Variants in CNTROB observed in about 807,000 individuals in gnomAD.
The protein encoded by CNTROB is centrobin, centriole duplication and spindle assembly protein, also known as centrobin.
CNTROB carries 82 observed loss-of-function variants against 115.7 expected under a neutral mutation model. The observed-to-expected ratio is 0.71, with a 90% CI of 0.59 to 0.85. CNTROB has a LOEUF of 0.85. Ranked by LOEUF, CNTROB falls within the 40% of genes least tolerant of loss-of-function variation. CNTROB has a pLI of 0.00. For missense variants in CNTROB, 1,014 were observed against 1,144.4 expected (o/e 0.89, Z 1.64); for synonymous variants, 439 against 456.4 (o/e 0.96, Z 0.49).
Position 7,944,222 on chromosome 17 carries a change from G to A in CNTROB, c.1545G>A (p.Gln515=). Residue 515 remains glutamine (Q), a synonymous_variant, in exon 11 of 19, where the codon CAG becomes CAA. Coordinates refer to ENST00000563694, the MANE Select transcript of CNTROB (RefSeq NM_053051.5). This position sits in a 1 kb window ranked among gnomAD's most constrained non-coding sequence, Gnocchi z 4.0. ...VEMAEREERQ[Q]QVAEDYELRL... Reference sequence around the variant, plus strand: ...TGGCAGAACGAGAGGAACGGCAACAGCAGGTGGCTGAGGACTACGAGCTCA... The same window carrying A: ...TGGCAGAACGAGAGGAACGGCAACAACAGGTGGCTGAGGACTACGAGCTCA... 6.2e-7 allele frequency: 1 copy of A among 1,613,942 alleles called. No homozygotes were observed. Among genetic ancestry groups the A allele is most frequent in the East Asian group, 2.2e-5 (1 of 44,882 alleles).
chr17:7,943,524 G>A lies in CNTROB; in HGVS notation c.1445G>A (p.Arg482Lys), dbSNP rs752822668. 1.2e-6 allele frequency: 2 copies of A among 1,610,542 alleles called. No individual in the cohort carries two copies. Among genetic ancestry groups the A allele is most frequent in the South Asian group, 1.1e-5 (1 of 90,858 alleles). The stretch of plus-strand genomic sequence containing the variant: ...GCAGCCTCCCTCAGGGAACATCACA[G>A]GTACGTGGGACTCACTGGGTGTCAC... ...RQAASLREHH[R>K]KQLQDLSGQH... Residue 482 changes from arginine to lysine, a missense_variant and splice_region_variant, in exon 10 of 19, where the codon AGG becomes AAG. Transcript: ENST00000563694. The surrounding 1 kb of genome is among the most constrained non-coding windows in gnomAD (Gnocchi z 4.7).
At chr17:7,936,111 C>T (rs537171562) in intron 4 of CNTROB, 254 of 449,580 alleles carry the variant, frequency 5.6e-4, no homozygotes, top group South Asian at 1.4e-3. Flanking sequence ...GATTTTTACT[C>T]AGGAGATCCA....
At position 7,939,930 on chromosome 17, in the gene CNTROB, A is replaced by G. The variant is rs1456215887; in HGVS notation, c.1165-166A>G. On this transcript the variant is annotated intron_variant, in intron 8 of 18. Coordinates refer to ENST00000563694, the MANE Select transcript of CNTROB (RefSeq NM_053051.5). This position sits in a 1 kb window ranked among gnomAD's most constrained non-coding sequence, Gnocchi z 4.4. The stretch of plus-strand genomic sequence containing the variant: ...GCAGGAAGGGCTGGGGGTAATGAAT[A>G]CGTGAAAGGCCAAAGACTGAAATTC... Among the ~76,000 whole-genome samples the G allele has an allele frequency of 1.3e-5, 2 of 152,134 alleles. No homozygotes were observed. The highest frequency in any genetic ancestry group is 2.9e-5 in the Non-Finnish European group (2 of 68,016).
Position 7,932,960 on chromosome 17 carries a change from C to T in CNTROB, c.-120C>T, listed in dbSNP as rs774771855. Reference sequence around the variant, plus strand: ...CGATATCCTTAATTCACCAAGGATCCTTGGCGTGGAGTCTTCCTCCCTTCT... The same window carrying T: ...CGATATCCTTAATTCACCAAGGATCTTTGGCGTGGAGTCTTCCTCCCTTCT... On this transcript the variant is annotated 5_prime_UTR_variant, in exon 1 of 19. Coordinates refer to ENST00000563694, the MANE Select transcript of CNTROB (RefSeq NM_053051.5). The T allele has an allele frequency of 1.8e-6, 2 of 1,109,272 alleles. No individual in the cohort carries two copies. Among genetic ancestry groups the T allele is most frequent in the East Asian group, 4.7e-5 (2 of 42,364 alleles). 68.7% of individuals were successfully genotyped at this position (1,109,272 alleles called of 1,614,324 possible).
rs559241720 is a variant in CNTROB at position 7,943,490 on chromosome 17, C to T, written c.1411C>T (p.Leu471=). ...GCTGGCGCAGGCTCAGGAGAGCAGCCTACGGCAAGCAGCCTCCCTCAGGGA... is the reference window on the plus strand; with the variant it reads ...GCTGGCGCAGGCTCAGGAGAGCAGCTTACGGCAAGCAGCCTCCCTCAGGGA... ...ERLAQAQESS[L]RQAASLREHH... The change falls in exon 10 of 19, where the codon CTA becomes TTA. Residue 471 remains leucine (L), a synonymous_variant. Coordinates refer to ENST00000563694, the MANE Select transcript of CNTROB (RefSeq NM_053051.5). The surrounding 1 kb of genome is among the most constrained non-coding windows in gnomAD (Gnocchi z 4.7). The T allele has an allele frequency of 4.3e-5, 69 of 1,613,518 alleles. No homozygotes were observed. Among genetic ancestry groups the T allele is most frequent in the Non-Finnish European group, 5.9e-6 (7 of 1,179,626 alleles).
chr17:7,933,125 G>T lies in CNTROB; in HGVS notation c.46G>T (p.Asp16Tyr). 1 of 1,614,118 alleles carries T rather than the reference G, an allele frequency of 6.2e-7. No homozygotes were observed. The change falls in exon 1 of 19, where the codon GAT (aspartate) becomes TAT (tyrosine). Residue 16 changes from aspartate (D) to tyrosine (Y), a missense_variant. Coordinates refer to ENST00000563694, the MANE Select transcript of CNTROB (RefSeq NM_053051.5). ...CCCCAGTTCACCCCTCGGGGCGGAGGATCTCCTGAGTGATTCATCAGAACC... is the reference window on the plus strand; with the variant it reads ...CCCCAGTTCACCCCTCGGGGCGGAGTATCTCCTGAGTGATTCATCAGAACC... Reference protein sequence around the residue: ...DSPSSPLGAEDLLSDSSEPPG... With the variant: ...DSPSSPLGAEYLLSDSSEPPG...
chr17:7,936,302 A>C, intron 4 of CNTROB, 64 bp from the exon 5 acceptor site: 2 of 790,700 alleles, frequency 2.5e-6, no homozygotes, highest in South Asian at 1.3e-5. Flanking sequence ...GAGGAGCTGG[A>C]AAGTTTGGTG....
At chr17:7,932,122 C>CG (rs138736268), upstream of CNTROB, 1,305 of 490,504 alleles carry the variant, frequency 2.7e-3, 18 homozygotes, top group East Asian at 0.032. Context: ...GCCAGGCGCT[C>CG]GGGATACAGA....
intron 2 of CNTROB, 110 bp downstream of exon 2, chr17:7,934,332 G>C (rs1972887896): frequency 3.7e-6 from 5 of 1,363,652 alleles, no homozygotes; most frequent in Middle Eastern, 1.8e-4. Context: ...GATTTCAGGA[G>C]AAAAGTCTCC....
Position 7,949,150 on chromosome 17 carries a change from G to A in CNTROB, c.2579G>A (p.Arg860Gln), listed in dbSNP as rs771157724. 2.0e-5 allele frequency: 32 copies of A among 1,613,882 alleles called. No homozygotes were observed. Among genetic ancestry groups the A allele is most frequent in the East Asian group, 8.9e-5 (4 of 44,884 alleles). ...GACTCCCGCTTGGGTGAGATCCCCC[G>A]GAAAGAGGTGAGGGAAAGTCAGGCA... is the stretch of plus-strand genomic sequence containing the variant. ...NTDSRLGEIP[R>Q]KEIPSQAVPR... Residue 860 changes from arginine (R) to glutamine (Q), a missense_variant, in exon 18 of 19, where the codon CGG becomes CAG. Coordinates refer to ENST00000563694, the MANE Select transcript of CNTROB (RefSeq NM_053051.5).
chr17:7,935,175 A>G, intron 4 of CNTROB, 30 bp downstream of exon 4: 1 of 1,613,276 alleles, frequency 6.2e-7, no homozygotes, highest in Non-Finnish European at 8.5e-7. Context: ...TTTCGAAAGC[A>G]GCAAAGATTA....
At position 7,948,439 on chromosome 17, in the gene CNTROB, G is replaced by A. The variant is rs1473060185; in HGVS notation, c.2381-48G>A. 1.2e-6 allele frequency: 2 copies of A among 1,610,664 alleles called. No homozygotes were observed. The highest frequency in any genetic ancestry group is 1.7e-6 in the Non-Finnish European group (2 of 1,177,014). ...CCTGGGGAAATGGGCTGAGGGCTGG[G>A]GAGACAGGCCCTAGGATGACGCCTG... is the stretch of plus-strand genomic sequence containing the variant. On this transcript the variant is annotated intron_variant, in intron 16 of 18. Transcript: ENST00000563694. This position sits in a 1 kb window ranked among gnomAD's most constrained non-coding sequence, Gnocchi z 4.4.
chr17:7,944,153 C>G lies in CNTROB; in HGVS notation c.1476C>G (p.His492Gln), dbSNP rs1315307928. ...RKQLQDLSGQ[H>Q]QQELASQLAQ... ...AGCTGCAGGACCTGAGTGGACAGCA[C>G]CAGCAGGAGCTGGCCAGTCAGCTAG... The change falls in exon 11 of 19, where the codon CAC becomes CAG. Residue 492 changes from histidine to glutamine, a missense_variant. Coordinates refer to ENST00000563694, the MANE Select transcript of CNTROB (RefSeq NM_053051.5). The surrounding 1 kb of genome is among the most constrained non-coding windows in gnomAD (Gnocchi z 4.0). 11 of 1,609,838 alleles carry G rather than the reference C, an allele frequency of 6.8e-6. No individual in the cohort carries two copies. Among genetic ancestry groups the G allele is most frequent in the Non-Finnish European group, 9.4e-6 (11 of 1,176,210 alleles).
intron 13 of CNTROB, among the ~76,000 whole-genome samples, chr17:7,947,155 C>T (rs1385772794): frequency 4.4e-5 from 5 of 113,398 alleles, no homozygotes; most frequent in African/African-American, 1.7e-4. Flanking sequence ...AGCGAGACTC[C>T]ATCTCAAAAA....
At chr17:7,945,707 T>C in intron 12 of CNTROB, 21 bp from the exon 13 acceptor site, 1 of 1,608,860 alleles carries the variant, frequency 6.2e-7, no homozygotes, top group Non-Finnish European at 8.5e-7. Context: ...TGACCCTTCT[T>C]TCTGCCTCTC....
In CNTROB at chr17:7,935,137, C is replaced by G. The variant is rs199688815; in HGVS notation, c.586C>G (p.Arg196Gly). 1 of 1,614,138 alleles carries G rather than the reference C, an allele frequency of 6.2e-7. No individual in the cohort carries two copies. Residue 196 changes from arginine (R) to glycine (G), a missense_variant, in exon 4 of 19, where the codon CGC becomes GGC. Arg to Gly is a moderately radical substitution (Grantham distance 125, BLOSUM62 -2). Transcript: ENST00000563694. ...AGATGCATTGGATTCAGAGCATACC[C>G]GCCGCAAGGTAAGATGCAAACGCTT... is the stretch of plus-strand genomic sequence containing the variant. ...LRDALDSEHT[R>G]RKHCERHIQS... is the part of the protein sequence containing the mutation.
chr17:7,937,101 T>G, intron 6 of CNTROB, 63 bp from the exon 7 acceptor site: 4 of 1,595,016 alleles, frequency 2.5e-6, no homozygotes, highest in Non-Finnish European at 2.6e-6. Context: ...CAATGCTTTA[T>G]AAAATATAGC....
chr17:7,937,385 T>G, intron 7 of CNTROB, 123 bp downstream of exon 7: 1 of 1,180,136 alleles, frequency 8.5e-7, no homozygotes, highest in Non-Finnish European at 1.2e-6. Context: ...TTTCCCAAAG[T>G]GTGTTCCTTA....
intron 7 of CNTROB, among the ~76,000 whole-genome samples, chr17:7,938,293 C>T (rs949610578): frequency 1.2e-4 from 18 of 152,306 alleles, no homozygotes; most frequent in African/African-American, 4.1e-4. Flanking sequence ...GCATAAGCCA[C>T]CATACCCAGC....
Sources: gnomAD v4.1 joint callset for allele counts (sites outside exome capture counted in the v4.1 genomes callset) on GRCh38, gnomAD v4.1.1 for gene constraint, Gnocchi (gnomAD v3.1) non-coding constraint, MANE v1.5 for transcripts, NCBI Gene and HGNC (gene_info 2026-07-23, HGNC 2026-07-21) for gene names.